Variants in MALRD1 observed in about 807,000 individuals in gnomAD.
MALRD1 encodes MAM and LDL receptor class A domain containing 1, also known as MAM and LDL-receptor class A domain-containing protein 1.
In MALRD1, 247 loss-of-function variants were observed where a neutral mutation model predicts 242.1. That is an observed-to-expected ratio of 1.02 (90% CI 0.92 to 1.13). MALRD1 has a LOEUF of 1.13. Among genes scored for constraint, MALRD1 ranks in the 50% most tolerant of loss-of-function variants. The pLI is 0.00. For synonymous variants in MALRD1, 995 were observed against 866.6 expected, an observed-to-expected ratio of 1.15 and a Z score of -2.60; for missense variants, 2,989 against 2,533.1, an observed-to-expected ratio of 1.18 and a Z score of -3.86.
At chr10:19,461,124 T>C (rs1355517045) in intron 29 of MALRD1, among the ~76,000 whole-genome samples, 2 of 152,160 alleles carry the variant, frequency 1.3e-5, no homozygotes, top group Non-Finnish European at 2.9e-5. Context: ...AATGAATAGA[T>C]ATTGAAAAAT....
intron 29 of MALRD1, among the ~76,000 whole-genome samples, chr10:19,452,342 C>G (rs1263642218): frequency 6.6e-6 from 1 of 152,060 alleles, no homozygotes; most frequent in Non-Finnish European, 1.5e-5. Flanking sequence ...TACGTGATTA[C>G]AATTAATTTT....
chr10:19,428,019 A>G (rs1420806430), intron 28 of MALRD1, among the ~76,000 whole-genome samples: 1 of 152,098 alleles, frequency 6.6e-6, no homozygotes, highest in Non-Finnish European at 1.5e-5. Context: ...AGCTGTAAAT[A>G]CTTTGCCTTT....
chr10:19,690,030 G>T (rs1842753204), intron 36 of MALRD1, among the ~76,000 whole-genome samples: 2 of 151,962 alleles, frequency 1.3e-5, no homozygotes, highest in African/African-American at 4.8e-5. Context: ...AAATCATTTT[G>T]TTTCAAGATG....
At chr10:19,398,007 T>C (rs1846665058) in intron 28 of MALRD1, among the ~76,000 whole-genome samples, 2 of 152,118 alleles carry the variant, frequency 1.3e-5, no homozygotes, top group African/African-American at 4.8e-5. Flanking sequence ...CTAATCAGAT[T>C]ATTTGCTTTT....
chr10:19,618,899 C>T (rs187792786), intron 36 of MALRD1, among the ~76,000 whole-genome samples: 11 of 152,076 alleles, frequency 7.2e-5, no homozygotes, highest in African/African-American at 1.4e-4. Flanking sequence ...AATATTGGGA[C>T]GTTAGACGAT....
chr10:19,047,628 A>T (rs976488713), upstream of MALRD1, among the ~76,000 whole-genome samples: 2 of 152,120 alleles, frequency 1.3e-5, no homozygotes, highest in African/African-American at 4.8e-5. Flanking sequence ...ACAGAGGGGT[A>T]AGAAGAATAA....
intron 1 of MALRD1, among the ~76,000 whole-genome samples, chr10:19,059,224 C>T (rs1340582657): frequency 1.3e-5 from 2 of 152,018 alleles, no homozygotes; most frequent in African/African-American, 4.8e-5. Flanking sequence ...TGAGAAAAAC[C>T]ATGATTACCC....
intron 36 of MALRD1, among the ~76,000 whole-genome samples, chr10:19,670,066 GCACACA>G (rs3071775): frequency 1.1e-3 from 160 of 148,354 alleles, no homozygotes; most frequent in African/African-American, 2.9e-3. Flanking sequence ...CCTCGCACGT[GCACACA>G]CACACACACA....
chr10:19,582,354 A>C (rs1403030479), intron 33 of MALRD1, among the ~76,000 whole-genome samples: 1,683 of 149,024 alleles, frequency 0.011, 40 homozygotes, highest in African/African-American at 0.039. Flanking sequence ...TTATGGTTTT[A>C]GGTCTAACGT....
intron 26 of MALRD1, among the ~76,000 whole-genome samples, chr10:19,363,833 C>T (rs1359079165): frequency 6.6e-6 from 1 of 152,096 alleles, no homozygotes; most frequent in African/African-American, 2.4e-5. Context: ...AAAATTCTAA[C>T]TCCCAAGACA....
At chr10:19,720,492 T>C (rs1286057904) in intron 38 of MALRD1, among the ~76,000 whole-genome samples, 1 of 152,226 alleles carries the variant, frequency 6.6e-6, no homozygotes, top group Non-Finnish European at 1.5e-5. Context: ...TTTGAAATTA[T>C]AGCCTGTGTA....
intron 18 of MALRD1, among the ~76,000 whole-genome samples, chr10:19,233,229 C>T (rs530612205): frequency 3.3e-5 from 5 of 152,144 alleles, no homozygotes; most frequent in Admixed American, 6.5e-5. Flanking sequence ...TGGCTGGGCG[C>T]GGTGGCTCAC....
At chr10:19,483,487 G>A (rs577615496) in intron 29 of MALRD1, among the ~76,000 whole-genome samples, 3 of 152,138 alleles carry the variant, frequency 2.0e-5, no homozygotes, top group Admixed American at 6.5e-5. Flanking sequence ...GGCAAAGGAC[G>A]TGAACAGACA....
chr10:19,134,677 T>C (rs748958301), intron 9 of MALRD1, among the ~76,000 whole-genome samples: 8 of 152,238 alleles, frequency 5.3e-5, no homozygotes, highest in Non-Finnish European at 1.0e-4. Flanking sequence ...ATTTTGACAC[T>C]ATTTAATTTT....
chr10:19,219,126 A>C (rs938024059), intron 18 of MALRD1, among the ~76,000 whole-genome samples: 2 of 152,076 alleles, frequency 1.3e-5, no homozygotes, highest in African/African-American at 4.8e-5. Context: ...ACGTTTTCTA[A>C]ATATATTTTA....
At chr10:19,544,031 T>C (rs938768809) in intron 32 of MALRD1, among the ~76,000 whole-genome samples, 2 of 152,208 alleles carry the variant, frequency 1.3e-5, no homozygotes, top group East Asian at 1.9e-4. Context: ...GTGTTTTTTT[T>C]CACACAATCT....
At chr10:19,509,657 C>G (rs1385401937) in intron 31 of MALRD1, among the ~76,000 whole-genome samples, 1 of 152,150 alleles carries the variant, frequency 6.6e-6, no homozygotes, top group Non-Finnish European at 1.5e-5. Context: ...GATTTGTTCT[C>G]TTTGTGTTTT....
chr10:19,434,557 T>C (rs1246955506), intron 28 of MALRD1, among the ~76,000 whole-genome samples: 1 of 152,000 alleles, frequency 6.6e-6, no homozygotes, highest in African/African-American at 2.4e-5. Flanking sequence ...CAAATTTTAA[T>C]ATTTTACATG....
chr10:19,374,593 T>C (rs1845522140), intron 26 of MALRD1, among the ~76,000 whole-genome samples: 1 of 152,204 alleles, frequency 6.6e-6, no homozygotes, highest in Non-Finnish European at 1.5e-5. Context: ...GTTTCGCCCA[T>C]GTGCACACAC....
Sources: gnomAD v4.1 joint callset for allele counts (sites outside exome capture counted in the v4.1 genomes callset) on GRCh38, gnomAD v4.1.1 for gene constraint, MANE v1.5 for transcripts, NCBI Gene and HGNC (gene_info 2026-07-23, HGNC 2026-07-21) for gene names.